Variants in GNAI2 observed in about 807,000 individuals in gnomAD.
GNAI2 encodes G protein subunit alpha i2.
In GNAI2, 4 loss-of-function variants were observed where a neutral mutation model predicts 36.8. The ratio of observed to expected loss-of-function variants is 0.11; its 90% CI spans 0.05 to 0.25. The LOEUF is 0.25. Among genes scored for constraint, GNAI2 ranks in the 10% least tolerant of loss-of-function variants. The probability of loss-of-function intolerance (pLI) is 1.00; values close to 1 mark genes in which losing one functional copy is unlikely to be tolerated. For synonymous variants in GNAI2, 194 were observed against 194.1 expected (o/e 1.00, Z 0.01); for missense variants, 230 against 481.3 (o/e 0.48, Z 4.89).
At position 50,236,477 on chromosome 3, in the gene GNAI2, A is replaced by G; in HGVS notation, c.118+24A>G. ...GGGTGAGGCCGCGTCCCGCACTGGG[A>G]TCCTTGATTCCCAGCTCGAATCCCC... On this transcript the variant is annotated intron_variant, in intron 1 of 8. Coordinates refer to ENST00000313601, the MANE Select transcript of GNAI2 (RefSeq NM_002070.4). This position sits in a 1 kb window ranked among gnomAD's most constrained non-coding sequence, Gnocchi z 4.0. The G allele has an allele frequency of 6.4e-7, 1 of 1,570,156 alleles. No individual in the cohort carries two copies. The highest frequency in any genetic ancestry group is 8.6e-7 in the Non-Finnish European group (1 of 1,162,678).
At position 50,259,111 on chromosome 3, in the gene GNAI2, C is replaced by T. The variant is rs1427646431; in HGVS notation, c.*768C>T. 3 of 357,966 alleles carry T rather than the reference C, an allele frequency of 8.4e-6. No individual in the cohort carries two copies. Among genetic ancestry groups the T allele is most frequent in the Non-Finnish European group, 1.6e-5 (3 of 184,112 alleles). The allele number at this position is 357,966 out of a possible 1,614,324, so 22.2% of individuals were successfully genotyped here. A position where few individuals can be genotyped will look rare whatever the true frequency, so the allele number is the denominator to read the frequency against. Reference sequence around the variant, plus strand: ...ACAGAATTGGGTTCCAAGGGCTGTTCCAGACAACTGCCAACGTCACTGAGG... The same window carrying T: ...ACAGAATTGGGTTCCAAGGGCTGTTTCAGACAACTGCCAACGTCACTGAGG... On this transcript the variant is annotated 3_prime_UTR_variant, in exon 9 of 9. Coordinates refer to ENST00000313601, the MANE Select transcript of GNAI2 (RefSeq NM_002070.4).
At chr3:50,243,865 G>A (rs1700353669) in intron 1 of GNAI2, among the ~76,000 whole-genome samples, 3 of 152,128 alleles carry the variant, frequency 2.0e-5, no homozygotes, top group South Asian at 2.1e-4. Context: ...GACGGTGTGG[G>A]TGCGTGTGTG....
At chr3:50,236,170 G>T (rs932703371), upstream of GNAI2, 2 of 1,167,176 alleles carry the variant, frequency 1.7e-6, no homozygotes, top group Admixed American at 4.7e-5. This position sits in a 1 kb window ranked among gnomAD's most constrained non-coding sequence, Gnocchi z 4.0. Flanking sequence ...CCGCCCCGCC[G>T]TCGGTGCGCG....
At chr3:50,227,259 G>C (rs1256592515), upstream of GNAI2, 2 of 920,250 alleles carry the variant, frequency 2.2e-6, no homozygotes, top group Non-Finnish European at 3.0e-6. The surrounding 1 kb of genome is among the most constrained non-coding windows in gnomAD (Gnocchi z 5.9). Flanking sequence ...GGGCAAGGGG[G>C]ATGGGGTGCC....
intron 1 of GNAI2, among the ~76,000 whole-genome samples, chr3:50,240,937 G>GA (rs1260633702): frequency 3.7e-5 from 4 of 108,338 alleles, no homozygotes; most frequent in Admixed American, 8.5e-5. Flanking sequence ...AAAAAAAAAA[G>GA]AAAAAAAAAG....
At position 50,241,350 on chromosome 3, in the gene GNAI2, TTGTC is replaced by T. The variant is rs1222749608; in HGVS notation, c.118+4900_118+4903del. Among the ~76,000 whole-genome samples the T allele has an allele frequency of 3.3e-5, 5 of 152,130 alleles. No individual in the cohort carries two copies. The highest frequency in any genetic ancestry group is 6.5e-5 in the Admixed American group (1 of 15,282). ...CCCCTCCCCCAGGCTTGTCGGGGCT[TTGTC>T]TGCAGGAGCAGGCAGGGATAGAGCT... On this transcript the variant is annotated intron_variant, in intron 1 of 8. Transcript: ENST00000313601. The surrounding 1 kb of genome is among the most constrained non-coding windows in gnomAD (Gnocchi z 5.0).
chr3:50,243,390 C>T (rs1217453627), intron 1 of GNAI2, among the ~76,000 whole-genome samples: 5 of 152,256 alleles, frequency 3.3e-5, no homozygotes, highest in African/African-American at 1.2e-4. Context: ...CATTGCTCTC[C>T]AAAGCCGGAA....
At position 50,236,642 on chromosome 3, in the gene GNAI2, A is replaced by G. The variant is rs587632592; in HGVS notation, c.118+189A>G. Among the ~76,000 whole-genome samples the G allele has an allele frequency of 1.1e-4, 16 of 151,736 alleles. No individual in the cohort carries two copies. The highest frequency in any genetic ancestry group is 5.3e-4 in the Admixed American group (8 of 15,232). The stretch of plus-strand genomic sequence containing the variant: ...TGATCCTGCCCAGACTCTAGACCAG[A>G]CCCCTGTCTCATCCCAGACCCCAGA... On this transcript the variant is annotated intron_variant, in intron 1 of 8. Transcript: ENST00000313601. This position sits in a 1 kb window ranked among gnomAD's most constrained non-coding sequence, Gnocchi z 4.0.
chr3:50,246,058 G>A (rs782730452), intron 1 of GNAI2, among the ~76,000 whole-genome samples: 5 of 152,182 alleles, frequency 3.3e-5, no homozygotes, highest in African/African-American at 1.2e-4. Flanking sequence ...GCCTCCCAGT[G>A]CCGGACCCGT....
Position 50,256,189 on chromosome 3 carries a change from C to A in GNAI2, c.465-3C>A. The A allele has an allele frequency of 6.4e-7, 1 of 1,573,470 alleles. No individual in the cohort carries two copies. Among genetic ancestry groups the A allele is most frequent in the Non-Finnish European group, 8.7e-7 (1 of 1,145,684 alleles). ...CACTGACCCTCCCACCCCCCATCCC[C>A]AGCTACCTGAACGACCTGGAGCGTA... is the stretch of plus-strand genomic sequence containing the variant. On this transcript the variant is annotated splice_region_variant and splice_polypyrimidine_tract_variant and intron_variant, in intron 4 of 8. Transcript: ENST00000313601.
rs1399658748 is a variant in GNAI2 at position 50,252,219 on chromosome 3, C to T, written c.161+77C>T. 4.7e-6 allele frequency: 7 copies of T among 1,481,210 alleles called. No individual in the cohort carries two copies. The highest frequency in any genetic ancestry group is 6.6e-6 in the Non-Finnish European group (7 of 1,062,748). 91.8% of individuals were successfully genotyped at this position (1,481,210 alleles called of 1,614,324 possible). A position where few individuals can be genotyped will look rare whatever the true frequency, so the allele number is the denominator to read the frequency against. ...CCCTCTGGGCCTGCACTGCCCCCGA[C>T]TACAGGCCCAGCCAGTCTTAGCCAG... On this transcript the variant is annotated intron_variant, in intron 2 of 8. Transcript: ENST00000313601. The surrounding 1 kb of genome is among the most constrained non-coding windows in gnomAD (Gnocchi z 4.1).
chr3:50,228,900 A>G (rs904151792), upstream of GNAI2, among the ~76,000 whole-genome samples: 1 of 152,226 alleles, frequency 6.6e-6, no homozygotes, highest in African/African-American at 2.4e-5. Context: ...TTGTGCGTCC[A>G]GAACTCAGTG....
intron 1 of GNAI2, among the ~76,000 whole-genome samples, chr3:50,247,469 A>C (rs1461106306): frequency 2.0e-5 from 3 of 152,256 alleles, no homozygotes; most frequent in Non-Finnish European, 4.4e-5. Context: ...TAGAGGGTCC[A>C]AGATGAACAG....
chr3:50,252,489 T>G lies in GNAI2; in HGVS notation c.254T>G (p.Val85Gly), dbSNP rs1553702637. The change falls in exon 3 of 9, where the codon GTC becomes GGC. Residue 85 changes from valine (V) to glycine (G), a missense_variant. Physicochemically the swap from Val to Gly is moderately radical, Grantham distance 109 (BLOSUM62 -3). Transcript: ENST00000313601. This position sits in a 1 kb window ranked among gnomAD's most constrained non-coding sequence, Gnocchi z 4.1. ...SNTIQSIMAI[V>G]KAMGNLQIDF... Reference sequence around the variant, plus strand: ...ACCATCCAGTCCATCATGGCCATTGTCAAAGCCATGGGCAACCTGCAGATC... The same window carrying G: ...ACCATCCAGTCCATCATGGCCATTGGCAAAGCCATGGGCAACCTGCAGATC... The G allele has an allele frequency of 6.2e-7, 1 of 1,613,246 alleles. No homozygotes were observed. Among genetic ancestry groups the G allele is most frequent in the Admixed American group, 1.7e-5 (1 of 60,014 alleles).
In GNAI2 at chr3:50,236,401, C is replaced by T. The variant is rs782501325; in HGVS notation, c.66C>T (p.Asn22=). The T allele has an allele frequency of 1.2e-5, 19 of 1,579,100 alleles. No homozygotes were observed. The South Asian group carries it at 1.6e-4, about 13-fold the overall frequency. The change falls in exon 1 of 9, where the codon AAC becomes AAT. Residue 22 remains asparagine (N), a synonymous_variant. Coordinates refer to ENST00000313601, the MANE Select transcript of GNAI2 (RefSeq NM_002070.4). This position sits in a 1 kb window ranked among gnomAD's most constrained non-coding sequence, Gnocchi z 4.0. The part of the protein sequence containing the change: ...AAERSKMIDK[N]LREDGEKAAR... The stretch of plus-strand genomic sequence containing the variant: ...AGCGCTCTAAGATGATCGACAAGAA[C>T]CTGCGGGAGGACGGAGAGAAGGCGG...
upstream of GNAI2, chr3:50,227,099 A>C (rs1012756343): frequency 1.7e-4 from 228 of 1,333,980 alleles, no homozygotes; most frequent in Non-Finnish European, 2.2e-4. This position sits in a 1 kb window ranked among gnomAD's most constrained non-coding sequence, Gnocchi z 5.9. Flanking sequence ...TGTGAAGTGG[A>C]AGCGCGAGAA....
At chr3:50,254,867 G>A (rs1053549737) in intron 4 of GNAI2, among the ~76,000 whole-genome samples, 1 of 152,214 alleles carries the variant, frequency 6.6e-6, no homozygotes, top group Non-Finnish European at 1.5e-5. Context: ...AATGGGTTGC[G>A]GATTGGAACA....
At chr3:50,250,190 T>C (rs1201353206) in intron 1 of GNAI2, among the ~76,000 whole-genome samples, 4 of 152,148 alleles carry the variant, frequency 2.6e-5, no homozygotes, top group African/African-American at 9.7e-5. Context: ...GTGGGTGTCA[T>C]TGATGTAGAG....
At chr3:50,232,578 G>A (rs1700087337), upstream of GNAI2, among the ~76,000 whole-genome samples, 1 of 152,184 alleles carries the variant, frequency 6.6e-6, no homozygotes, top group Non-Finnish European at 1.5e-5. Context: ...GCTTCCAACT[G>A]CCAGCCTACA....
Sources: gnomAD v4.1 joint callset for allele counts (sites outside exome capture counted in the v4.1 genomes callset) on GRCh38, gnomAD v4.1.1 for gene constraint, Gnocchi (gnomAD v3.1) non-coding constraint, MANE v1.5 for transcripts, NCBI Gene and HGNC (gene_info 2026-07-23, HGNC 2026-07-21) for gene names.